Variants in TBC1D22A observed in about 807,000 individuals in gnomAD.
TBC1D22A encodes TBC1 domain family member 22A.
Under a neutral mutation model 60.2 loss-of-function variants are expected in TBC1D22A, and 38 were observed. The observed-to-expected ratio is 0.63, with a 90% CI of 0.49 to 0.83. TBC1D22A has a LOEUF of 0.83. TBC1D22A is among the 40% of genes least tolerant of loss of function. TBC1D22A has a pLI of 0.00. For missense variants in TBC1D22A, 628 were observed against 701.0 expected, an observed-to-expected ratio of 0.90 and a Z score of 1.18; for synonymous variants, 302 against 281.7, an observed-to-expected ratio of 1.07 and a Z score of -0.72.
chr22:46,768,114 G>T (rs6008972), intron 1 of TBC1D22A: 2 of 152,574 alleles, frequency 1.3e-5, no homozygotes, highest in African/African-American at 4.8e-5. Flanking sequence ...GTGCCGCAGC[G>T]TCCAGTGGTC....
At chr22:46,967,168 G>T (rs7364178) in intron 8 of TBC1D22A, among the ~76,000 whole-genome samples, 2,675 of 152,282 alleles carry the variant, frequency 0.018, 84 homozygotes, top group African/African-American at 0.061. Flanking sequence ...TGATTGAGTT[G>T]AACGTTATCC....
intron 12 of TBC1D22A, among the ~76,000 whole-genome samples, chr22:47,134,168 C>G (rs77041250): frequency 2.0e-5 from 3 of 152,328 alleles, no homozygotes; most frequent in African/African-American, 7.2e-5. Flanking sequence ...CACCCCCATT[C>G]AAATCATTAA....
chr22:46,969,679 G>C (rs938613247), intron 8 of TBC1D22A, among the ~76,000 whole-genome samples: 1 of 152,110 alleles, frequency 6.6e-6, no homozygotes, highest in Non-Finnish European at 1.5e-5. Flanking sequence ...GTTCCCTTGG[G>C]GTTAGCCTGT....
intron 7 of TBC1D22A, among the ~76,000 whole-genome samples, chr22:46,897,227 C>T (rs1032004174): frequency 2.0e-5 from 3 of 152,106 alleles, no homozygotes; most frequent in Non-Finnish European, 4.4e-5. Flanking sequence ...GGGAGTGGAC[C>T]TGAGCAAGCA....
rs890459011 is a variant in TBC1D22A at position 47,028,091 on chromosome 22, G to T, written c.1202-8980G>T. Among the ~76,000 whole-genome samples, 1 of 152,180 alleles carries T rather than the reference G, an allele frequency of 6.6e-6. No homozygotes were observed. Among genetic ancestry groups the T allele is most frequent in the Admixed American group, 6.5e-5 (1 of 15,286 alleles). The stretch of plus-strand genomic sequence containing the variant: ...GGTGTGCTGAGTAGCTCGTGTGCAC[G>T]TCTGTGAGGTGAAAATGATTTAATA... On this transcript the variant is annotated intron_variant, in intron 10 of 12. Transcript: ENST00000337137. The surrounding 1 kb of genome is among the most constrained non-coding windows in gnomAD (Gnocchi z 4.4).
rs1333549507 is a variant in TBC1D22A, at chr22:47,111,593, A to G, written c.1415A>G (p.Lys472Arg). ...VRWRKEILEE[K>R]DFQELLLFLQ... is the part of the protein sequence containing the mutation. Reference sequence around the variant, plus strand: ...TGGAGGAAGGAAATACTAGAAGAAAAAGATTTTCAAGTAAGTAAATGTCTT... The same window carrying G: ...TGGAGGAAGGAAATACTAGAAGAAAGAGATTTTCAAGTAAGTAAATGTCTT... Residue 472 changes from lysine to arginine, a missense_variant, in exon 12 of 13, where the codon AAA becomes AGA. Transcript: ENST00000337137. 7 of 1,613,522 alleles carry G rather than the reference A, an allele frequency of 4.3e-6. No individual in the cohort carries two copies. Among genetic ancestry groups the G allele is most frequent in the Non-Finnish European group, 5.9e-6 (7 of 1,179,712 alleles).
chr22:47,031,300 G>T (rs922717801), intron 10 of TBC1D22A, among the ~76,000 whole-genome samples: 1 of 152,226 alleles, frequency 6.6e-6, no homozygotes, highest in Admixed American at 6.5e-5. Context: ...GGATTGCCTT[G>T]TCTGTTTCCT....
intron 4 of TBC1D22A, among the ~76,000 whole-genome samples, chr22:46,807,565 C>A (rs1031454369): frequency 6.6e-6 from 1 of 152,150 alleles, no homozygotes; most frequent in East Asian, 1.9e-4. Context: ...CGGCAGTGAC[C>A]AGTGTTTATC....
chr22:47,169,179 C>T (rs148347199), intron 12 of TBC1D22A, among the ~76,000 whole-genome samples: 116 of 152,328 alleles, frequency 7.6e-4, no homozygotes, highest in African/African-American at 2.5e-3. Flanking sequence ...ATGCCTTTGC[C>T]TGCATGGTGG....
At chr22:46,967,753 T>G (rs982233260) in intron 8 of TBC1D22A, among the ~76,000 whole-genome samples, 1 of 152,160 alleles carries the variant, frequency 6.6e-6, no homozygotes. Context: ...GCATCAAGCC[T>G]TTTTGTTTTC....
At position 46,997,699 on chromosome 22, in the gene TBC1D22A, C is replaced by T. The variant is rs374623496; in HGVS notation, c.1191C>T (p.Ser397=). The T allele has an allele frequency of 2.5e-6, 4 of 1,613,958 alleles. No individual in the cohort carries two copies. The highest frequency in any genetic ancestry group is 2.7e-5 in the African/African-American group (2 of 75,052). Residue 397 remains serine (S), a synonymous_variant, in exon 10 of 13, where the codon AGC becomes AGT. Transcript: ENST00000337137. ...MKVKMLEELV[S]RIDEQVHRHL... is the part of the protein sequence containing the mutation. ...TGAAAATGTTAGAAGAACTCGTGAGCCGGATTGATGGTAAGCCAGCTTCCC... is the reference window on the plus strand; with the variant it reads ...TGAAAATGTTAGAAGAACTCGTGAGTCGGATTGATGGTAAGCCAGCTTCCC...
At chr22:46,783,212 T>A (rs2084015323) in intron 1 of TBC1D22A, among the ~76,000 whole-genome samples, 1 of 152,212 alleles carries the variant, frequency 6.6e-6, no homozygotes, top group African/African-American at 2.4e-5. Flanking sequence ...ATACTGAGCT[T>A]ACTTTTTGAA....
At chr22:47,083,963 T>A (rs975243747) in intron 11 of TBC1D22A, among the ~76,000 whole-genome samples, 1 of 152,188 alleles carries the variant, frequency 6.6e-6, no homozygotes, top group Non-Finnish European at 1.5e-5. Flanking sequence ...ATTTACAAAA[T>A]TTTGTGAATT....
intron 8 of TBC1D22A, chr22:46,916,081 A>G (rs918307532): frequency 2.6e-6 from 1 of 390,606 alleles, no homozygotes; most frequent in African/African-American, 2.1e-5. Flanking sequence ...TTGTATTGCA[A>G]CCCCTCTGAC....
rs1555951372 is a variant in TBC1D22A, at chr22:46,924,750, A to AAC, written c.1015+12563_1015+12564insCA. 3.8e-3 allele frequency among the ~76,000 whole-genome samples: 573 copies of AAC among 151,740 alleles called. 3 individuals carry two copies. Among genetic ancestry groups the AAC allele is most frequent in the African/African-American group, 0.013 (526 of 41,324 alleles). On this transcript the variant is annotated intron_variant, in intron 8 of 12. Transcript: ENST00000337137. ...ACAAGAGTGAAACTCTATCTCAAAA[A>AAC]AAAAACAAAAACAAAAACATTATAT...
chr22:46,913,497 C>T, intron 8 of TBC1D22A: 1 of 1,308,604 alleles, frequency 7.6e-7, no homozygotes, highest in South Asian at 1.2e-5. Context: ...TTTGTGATTT[C>T]ATAGGAGGTT....
intron 1 of TBC1D22A, among the ~76,000 whole-genome samples, chr22:46,771,677 C>G (rs1482983547): frequency 6.6e-6 from 1 of 151,842 alleles, no homozygotes; most frequent in Non-Finnish European, 1.5e-5. Flanking sequence ...TCATTGCAAC[C>G]TCTGCCTCCC....
At chr22:47,147,567 T>TG (rs1319874585) in intron 12 of TBC1D22A, among the ~76,000 whole-genome samples, 2 of 152,192 alleles carry the variant, frequency 1.3e-5, no homozygotes, top group Admixed American at 6.5e-5. Flanking sequence ...AGAGAGGCCT[T>TG]GGGGCATAGG....
intron 7 of TBC1D22A, among the ~76,000 whole-genome samples, chr22:46,902,972 C>G (rs944090801): frequency 1.3e-5 from 2 of 151,884 alleles, no homozygotes; most frequent in African/African-American, 2.4e-5. Context: ...TTGGAGAAGA[C>G]AGCCCGAGGA....
Sources: allele counts gnomAD v4.1 joint callset (sites outside exome capture counted in the v4.1 genomes callset), GRCh38; gene constraint gnomAD v4.1.1; non-coding constraint Gnocchi (gnomAD v3.1); transcripts MANE v1.5; gene names NCBI Gene and HGNC (gene_info 2026-07-23, HGNC 2026-07-21).